MYO19: variants seen among roughly 807,000 people sequenced by gnomAD.
MYO19 encodes the protein unconventional myosin-XIX.
Under a neutral mutation model 129.2 loss-of-function variants are expected in MYO19, and 132 were observed. The observed-to-expected ratio is 1.02, with a 90% confidence interval of 0.89 to 1.18. The LOEUF is 1.18. MYO19 is among the 50% of genes most tolerant of loss of function. MYO19 has a pLI of 0.00. For missense variants in MYO19, 1,210 were observed against 1,216.7 expected, an observed-to-expected ratio of 0.99 and a Z score of 0.08; for synonymous variants, 531 against 477.2, an observed-to-expected ratio of 1.11 and a Z score of -1.47.
At chr17:36,496,529 C>G in intron 25 of MYO19, 123 bp from the exon 26 acceptor site, 5 of 865,036 alleles carry the variant, frequency 5.8e-6, no homozygotes, top group Non-Finnish European at 9.0e-6. Context: ...TTGGGGGCCA[C>G]AGCAGGATTA....
intron 9 of MYO19, among the ~76,000 whole-genome samples, 163 bp from the exon 10 acceptor site, chr17:36,513,888 G>C (rs147448540): frequency 6.6e-6 from 1 of 152,348 alleles, no homozygotes; most frequent in African/African-American, 2.4e-5. Flanking sequence ...AAAAGATGCC[G>C]TAAACATAGC....
chr17:36,537,844 T>TA, upstream of MYO19: 1 of 1,614,188 alleles, frequency 6.2e-7, no homozygotes, highest in Non-Finnish European at 8.5e-7. Context: ...GTGAAATTGA[T>TA]AACACCACTG....
Position 36,507,093 on chromosome 17 carries a change from C to T in MYO19, c.1514G>A (p.Arg505His), listed in dbSNP as rs201468610. 5.8e-4 allele frequency: 930 copies of T among 1,613,012 alleles called. 2 individuals carry two copies. The highest frequency in any genetic ancestry group is 7.1e-4 in the Non-Finnish European group (842 of 1,179,224). The change falls in exon 17 of 26, where the codon CGC (arginine) becomes CAC (histidine). Residue 505 changes from arginine (R) to histidine (H), a missense_variant. Arg to His is a conservative substitution (Grantham distance 29, BLOSUM62 0). Coordinates refer to ENST00000614623, the MANE Select transcript of MYO19 (RefSeq NM_001163735.2). ...GCTGCCTGCCAGGGCAGTCTCAATGCGTGTCTGGAGCTGGGCTGCGCTGCT... is the reference window on the plus strand; with the variant it reads ...GCTGCCTGCCAGGGCAGTCTCAATGTGTGTCTGGAGCTGGGCTGCGCTGCT... The part of the protein sequence containing the change: ...RPSSAAQLQT[R>H]IETALAGSPC...
intron 1 of MYO19, among the ~76,000 whole-genome samples, chr17:36,542,647 C>A (rs1208282749): frequency 6.6e-6 from 1 of 150,870 alleles, no homozygotes. Flanking sequence ...TGCAGTGAGC[C>A]GAGATAGCGC....
chr17:36,528,313 C>T, intron 3 of MYO19, 111 bp from the exon 4 acceptor site: 2 of 1,183,940 alleles, frequency 1.7e-6, no homozygotes, highest in Non-Finnish European at 2.3e-6. Context: ...TCGAGACCAT[C>T]CTGGTTAACA....
Position 36,507,811 on chromosome 17 carries a change from C to A in MYO19, c.1345G>T (p.Ala449Ser), listed in dbSNP as rs140069162. 3.5e-4 allele frequency: 563 copies of A among 1,611,192 alleles called. 4 individuals are homozygous for A. In the African/African-American group the frequency reaches 6.9e-3, roughly 20 times the overall value. ...CTCACCCCATCCCTCACCTGCTGGG[C>A]CCTTAGGTAGTGAGCCACAAAATGC... ...QQHFVAHYLR[A>S]QQEEYAVEGL... Residue 449 changes from alanine (A) to serine (S), a missense_variant, in exon 15 of 26, where the codon GCC becomes TCC. Physicochemically the swap from Ala to Ser is moderately conservative, Grantham distance 99. Coordinates refer to ENST00000614623, the MANE Select transcript of MYO19 (RefSeq NM_001163735.2).
At chr17:36,530,623 AT>A (rs71159612) in intron 3 of MYO19, among the ~76,000 whole-genome samples, 2,653 of 78,878 alleles carry the variant, frequency 0.034, 54 homozygotes, top group African/African-American at 0.09. Flanking sequence ...TGGCTTTTGT[AT>A]TTTTTTTTTT....
upstream of MYO19, chr17:36,537,238 T>C: frequency 6.2e-7 from 1 of 1,614,142 alleles, no homozygotes; most frequent in Non-Finnish European, 8.5e-7. Context: ...TCACAGTACT[T>C]GTGTTCTTTT....
At chr17:36,524,199 C>T (rs1023142605) in intron 6 of MYO19, among the ~76,000 whole-genome samples, 1 of 152,102 alleles carries the variant, frequency 6.6e-6, no homozygotes, top group Non-Finnish European at 1.5e-5. Context: ...AGATCCCCTC[C>T]TAACCCAAGT....
chr17:36,538,112 A>G (rs768426804), upstream of MYO19: 2 of 1,614,216 alleles, frequency 1.2e-6, no homozygotes, highest in Non-Finnish European at 1.7e-6. Flanking sequence ...AAGACTTGAT[A>G]AAAGTAGCCT....
chr17:36,535,877 C>T (rs547386342), upstream of MYO19, among the ~76,000 whole-genome samples: 3 of 151,596 alleles, frequency 2.0e-5, no homozygotes, highest in African/African-American at 7.3e-5. Flanking sequence ...CCTCCCAAAG[C>T]GCTAGGATTG....
At chr17:36,505,060 C>CA in intron 19 of MYO19, 3 of 733,886 alleles carry the variant, frequency 4.1e-6, no homozygotes, top group Non-Finnish European at 7.5e-6. Context: ...GTACATGGCT[C>CA]AAAAAAACAA....
intron 21 of MYO19, 48 bp from the exon 22 acceptor site, chr17:36,501,283 C>T (rs767560665): frequency 1.7e-5 from 26 of 1,555,012 alleles, no homozygotes; most frequent in African/African-American, 2.7e-5. Context: ...CTCTACATGC[C>T]TCTGTGGCCT....
chr17:36,524,557 C>A (rs1413748524), intron 6 of MYO19, among the ~76,000 whole-genome samples: 1 of 152,220 alleles, frequency 6.6e-6, no homozygotes, highest in Non-Finnish European at 1.5e-5. Flanking sequence ...CCTGTCTCAC[C>A]TGTTGTGGTT....
chr17:36,511,106 T>C (rs1175600945), intron 12 of MYO19, 189 bp from the exon 13 acceptor site: 5 of 697,446 alleles, frequency 7.2e-6, no homozygotes, highest in Non-Finnish European at 9.4e-6. Context: ...AGCACTTTCA[T>C]GTACCAGTCC....
At chr17:36,521,096 C>T (rs1423602007) in intron 6 of MYO19, among the ~76,000 whole-genome samples, 1 of 152,160 alleles carries the variant, frequency 6.6e-6, no homozygotes, top group African/African-American at 2.4e-5. Flanking sequence ...ATAGTTTCCA[C>T]CTATCTGCTG....
rs772841504 is a variant in MYO19 at position 36,527,659 on chromosome 17, G to C, written c.192C>G (p.Phe64Leu). The change falls in exon 5 of 26, where the codon TTC becomes TTG. Residue 64 changes from phenylalanine (F) to leucine (L), a missense_variant. By Grantham distance (22) the Phe-to-Leu change is conservative (BLOSUM62 0). Coordinates refer to ENST00000614623, the MANE Select transcript of MYO19 (RefSeq NM_001163735.2). ...CLQARYMADT[F>L]YTNAGCTLVA... The stretch of plus-strand genomic sequence containing the variant: ...CCAGGGTGCAGCCAGCATTGGTGTA[G>C]AATGTGTCTGCCATGTACCGGGCCT... The C allele has an allele frequency of 1.2e-6, 2 of 1,613,922 alleles. No homozygotes were observed. Among genetic ancestry groups the C allele is most frequent in the Non-Finnish European group, 1.7e-6 (2 of 1,179,838 alleles).
At chr17:36,536,283 T>G (rs2074119424), upstream of MYO19, among the ~76,000 whole-genome samples, 1 of 152,156 alleles carries the variant, frequency 6.6e-6, no homozygotes. Flanking sequence ...GGTCACGTTT[T>G]GTACCAAGGC....
chr17:36,504,316 T>G (rs1310897082), intron 19 of MYO19: 1 of 386,842 alleles, frequency 2.6e-6, no homozygotes, highest in African/African-American at 2.1e-5. Context: ...CAGTGTAGTC[T>G]CACTACCACA....
Sources: gnomAD v4.1 joint callset for allele counts (sites outside exome capture counted in the v4.1 genomes callset) on GRCh38, gnomAD v4.1.1 for gene constraint, MANE v1.5 for transcripts, NCBI Gene and HGNC (gene_info 2026-07-23, HGNC 2026-07-21) for gene names.